ENTPD2: variants seen among roughly 807,000 people sequenced by gnomAD.
ENTPD2 encodes the protein CD39 antigen-like 1.
In ENTPD2, 48 loss-of-function variants were observed where a neutral mutation model predicts 46.8. That is an observed-to-expected ratio of 1.03 (90% confidence interval 0.81 to 1.30). The LOEUF (loss-of-function observed/expected upper bound fraction) is 1.30. ENTPD2 is among the 50% of genes most tolerant of loss of function. The probability of loss-of-function intolerance (pLI) is 0.00; values close to 1 mark genes in which losing one functional copy is unlikely to be tolerated. For synonymous variants in ENTPD2, 316 were observed against 286.1 expected (o/e 1.10, Z -1.06); for missense variants, 707 against 651.1 (o/e 1.09, Z -0.93).
At chr9:137,049,837 G>A (rs371960899) in intron 7 of ENTPD2, 33 bp downstream of exon 7, 16 of 1,590,696 alleles carry the variant, frequency 1.0e-5, no homozygotes, top group African/African-American at 2.7e-5. Context: ...GAGCCCTTCC[G>A]CACAGCCCTG....
At position 137,048,603 on chromosome 9, in the gene ENTPD2, G is replaced by A. The variant is rs1832186297; in HGVS notation, c.*54C>T. 1 of 1,477,850 alleles carries A rather than the reference G, an allele frequency of 6.8e-7. No homozygotes were observed. The highest frequency in any genetic ancestry group is 9.1e-7 in the Non-Finnish European group (1 of 1,104,870). The allele number at this position is 1,477,850 out of a possible 1,614,324, so 91.5% of individuals were successfully genotyped here. ...GGGGTTGTGGGAGGGGTGGGAGTACGGGGTGGGGATACAGGGGTTGGGGGA... is the reference window on the plus strand; with the variant it reads ...GGGGTTGTGGGAGGGGTGGGAGTACAGGGTGGGGATACAGGGGTTGGGGGA... On this transcript the variant is annotated 3_prime_UTR_variant, in exon 9 of 9. Coordinates refer to ENST00000355097, the MANE Select transcript of ENTPD2 (RefSeq NM_203468.3).
chr9:137,049,948 A>C lies in ENTPD2; in HGVS notation c.1071T>G (p.Thr357=). Residue 357 remains threonine, a synonymous_variant, in exon 7 of 9, where the codon ACT becomes ACG. Coordinates refer to ENST00000355097, the MANE Select transcript of ENTPD2 (RefSeq NM_203468.3). ...AFFYTVDFLR[T]SMGLPVATLQ... ...GGGTGGCCACGGGCAGCCCCATCGA[A>C]GTCCGCAAAAAGTCCACAGTGTAGA... The C allele has an allele frequency of 6.2e-7, 1 of 1,612,622 alleles. No homozygotes were observed. The highest frequency in any genetic ancestry group is 1.7e-4 in the Middle Eastern group (1 of 6,042).
chr9:137,049,233 C>T (rs1038398966), intron 7 of ENTPD2, 158 bp from the exon 8 acceptor site: 15 of 1,278,332 alleles, frequency 1.2e-5, no homozygotes, highest in Admixed American at 2.0e-5. Flanking sequence ...ATGGCAAGAC[C>T]GAGTCCGAGG....
At position 137,050,462 on chromosome 9, in the gene ENTPD2, CATGGTG is replaced by C. The variant is rs778135985; in HGVS notation, c.845_850del (p.Ser282_Pro283del). The stretch of plus-strand genomic sequence containing the variant: ...GTTCTGGGGCCGCTGGGCCATGGTG[CATGGTG>C]ACTGGTACACATCCCCGAGCAGCAC... On this transcript the variant is annotated inframe_deletion, in exon 6 of 9. Coordinates refer to ENST00000355097, the MANE Select transcript of ENTPD2 (RefSeq NM_203468.3). 1.3e-5 allele frequency: 21 copies of C among 1,612,928 alleles called. No individual in the cohort carries two copies. The South Asian group carries it at 2.2e-4, about 17-fold the overall frequency.
Position 137,048,858 on chromosome 9 carries a change from G to C in ENTPD2, c.1287C>G (p.Ala429=). The C allele has an allele frequency of 2.6e-6, 4 of 1,533,670 alleles. No homozygotes were observed. Among genetic ancestry groups the C allele is most frequent in the African/African-American group, 1.4e-5 (1 of 72,290 alleles). ...GCGCCCAGCCCACTGCAGTGTCCGC[G>C]GCCTGCGGGGAAGGGCGTGGCCTCA... ...AFGGVIFQKK[A]ADTAVGWALG... The change falls in exon 9 of 9, where the codon GCC becomes GCG. Residue 429 remains alanine, a splice_region_variant and synonymous_variant. Coordinates refer to ENST00000355097, the MANE Select transcript of ENTPD2 (RefSeq NM_203468.3).
At position 137,048,626 on chromosome 9, in the gene ENTPD2, G is replaced by A. The variant is rs373902676; in HGVS notation, c.*31C>T. The A allele has an allele frequency of 1.5e-4, 230 of 1,535,722 alleles. No individual in the cohort carries two copies. The African/African-American group carries it at 2.9e-3, about 19-fold the overall frequency. On this transcript the variant is annotated 3_prime_UTR_variant, in exon 9 of 9. Coordinates refer to ENST00000355097, the MANE Select transcript of ENTPD2 (RefSeq NM_203468.3). Reference sequence around the variant, plus strand: ...ACGGGGTGGGGATACAGGGGTTGGGGGAGGGATGGGGCAGCTGCCCCCGTC... The same window carrying A: ...ACGGGGTGGGGATACAGGGGTTGGGAGAGGGATGGGGCAGCTGCCCCCGTC...
intron 5 of ENTPD2, 147 bp downstream of exon 5, chr9:137,050,755 G>C: frequency 8.0e-7 from 1 of 1,254,706 alleles, no homozygotes. Context: ...CCCAGCCACT[G>C]GGCCTTTGCT....
At chr9:137,053,667 G>A (rs1376783219) in intron 1 of ENTPD2, among the ~76,000 whole-genome samples, 1 of 152,136 alleles carries the variant, frequency 6.6e-6, no homozygotes, top group African/African-American at 2.4e-5. Context: ...CTTCAGCACC[G>A]CGTCGCCCTG....
Position 137,048,404 on chromosome 9 carries a change from T to C in ENTPD2, c.*253A>G. 1 of 433,682 alleles carries C rather than the reference T, an allele frequency of 2.3e-6. No homozygotes were observed. Among genetic ancestry groups the C allele is most frequent in the Admixed American group, 4.5e-5 (1 of 22,062 alleles). 26.9% of individuals were successfully genotyped at this position (433,682 alleles called of 1,614,324 possible). On this transcript the variant is annotated 3_prime_UTR_variant, in exon 9 of 9. Coordinates refer to ENST00000355097, the MANE Select transcript of ENTPD2 (RefSeq NM_203468.3). ...TACCAGAGTCTCAGTTCCTATTTCC[T>C]GGGCTGCCTTAGGGGCAGAGACGCT...
Position 137,048,675 on chromosome 9 carries a change from C to A in ENTPD2, c.1470G>T (p.Lys490Asn). The change falls in exon 9 of 9, where the codon AAG becomes AAT. Residue 490 changes from lysine (K) to asparagine (N), a missense_variant. Coordinates refer to ENST00000355097, the MANE Select transcript of ENTPD2 (RefSeq NM_203468.3). ...TCGGCCCCTAAATGGTGCTTGGCAG[C>A]TTGGCGGAGTGCACCTGACGCAGCA... ...VLLLRQVHSAKLPSTI is the reference protein window; with the variant it reads ...VLLLRQVHSANLPSTI 2 of 1,598,886 alleles carry A rather than the reference C, an allele frequency of 1.3e-6. No individual in the cohort carries two copies. The highest frequency in any genetic ancestry group is 1.7e-6 in the Non-Finnish European group (2 of 1,173,992).
At position 137,051,125 on chromosome 9, in the gene ENTPD2, C is replaced by T; in HGVS notation, c.551G>A (p.Gly184Asp). 6.2e-7 allele frequency: 1 copy of T among 1,612,846 alleles called. No homozygotes were observed. The highest frequency in any genetic ancestry group is 1.1e-5 in the South Asian group (1 of 91,072). The part of the protein sequence containing the change: ...NYLLENFIKY[G>D]WVGRWFRPRK... ...TGGCCGGAACCACCGGCCCACCCAG[C>T]CGTACTGTGGAGAGGGGAGTGTGGG... The change falls in exon 5 of 9, where the codon GGC (glycine) becomes GAC (aspartate). Residue 184 changes from glycine to aspartate, a missense_variant. By Grantham distance (94) the Gly-to-Asp change is moderately conservative (BLOSUM62 -1). Transcript: ENST00000355097.
rs1209258333 is a variant in ENTPD2 at position 137,052,099 on chromosome 9, C to T, written c.235+132G>A. 7.5e-6 allele frequency: 6 copies of T among 804,364 alleles called. No homozygotes were observed. The African/African-American group carries it at 8.6e-5, about 11-fold the overall frequency. 49.8% of individuals were successfully genotyped at this position (804,364 alleles called of 1,614,324 possible). On this transcript the variant is annotated intron_variant, in intron 2 of 8. Transcript: ENST00000355097. ...CAGGCGCAGGGGCACCAGCCTCTCT[C>T]TTTCCAGGGCTTCTGCCTGGAGTGA... is the stretch of plus-strand genomic sequence containing the variant.
Position 137,051,013 on chromosome 9 carries a change from G to A in ENTPD2, c.663C>T (p.Ala221=). 6.2e-7 allele frequency: 1 copy of A among 1,612,954 alleles called. No homozygotes were observed. The highest frequency in any genetic ancestry group is 8.5e-7 in the Non-Finnish European group (1 of 1,179,990). ...CGTAGAGATGCAGCTGGACCTCGCT[G>A]GCTCTGTCCTCAGCTGGACTGGTTG... ...FETTSPAEDR[A]SEVQLHLYGQ... Residue 221 remains alanine (A), a synonymous_variant, in exon 5 of 9, where the codon GCC becomes GCT. Transcript: ENST00000355097.
At chr9:137,049,845 C>T in intron 7 of ENTPD2, 25 bp downstream of exon 7, 2 of 1,602,760 alleles carry the variant, frequency 1.2e-6, no homozygotes, top group Non-Finnish European at 1.7e-6. Flanking sequence ...CCGCACAGCC[C>T]TGAAGGAGTG....
rs142095240 is a variant in ENTPD2, at chr9:137,051,316, C to T, written c.441G>A (p.Leu147=). The part of the protein sequence containing the change: ...TSVLMAVTHT[L]TQYPFDFRGA... ...CCCGGAAGTCAAAGGGGTACTGGGTCAGTGTGTGAGTCACTGCCATGAGCA... is the reference window on the plus strand; with the variant it reads ...CCCGGAAGTCAAAGGGGTACTGGGTTAGTGTGTGAGTCACTGCCATGAGCA... Residue 147 remains leucine, a synonymous_variant, in exon 4 of 9, where the codon CTG becomes CTA. Coordinates refer to ENST00000355097, the MANE Select transcript of ENTPD2 (RefSeq NM_203468.3). 4.4e-6 allele frequency: 7 copies of T among 1,601,160 alleles called. No individual in the cohort carries two copies. The highest frequency in any genetic ancestry group is 2.2e-5 in the South Asian group (2 of 89,380).
intron 1 of ENTPD2, 124 bp downstream of exon 1, chr9:137,053,757 G>T (rs188090942): frequency 3.3e-6 from 2 of 611,724 alleles, no homozygotes; most frequent in African/African-American, 1.9e-5. Flanking sequence ...CACCCAGCCC[G>T]CCAGGAGCAG....
intron 1 of ENTPD2, chr9:137,053,086 C>G (rs537838589): frequency 6.6e-6 from 1 of 152,354 alleles, no homozygotes; most frequent in Non-Finnish European, 1.5e-5. Context: ...TTCCAGCCTC[C>G]GAGAGGGCCG....
In ENTPD2 at chr9:137,053,945, C is replaced by T; in HGVS notation, c.53G>A (p.Gly18Asp). 1 of 1,213,100 alleles carries T rather than the reference C, an allele frequency of 8.2e-7. No individual in the cohort carries two copies. The highest frequency in any genetic ancestry group is 1.0e-6 in the Non-Finnish European group (1 of 972,740). 75.1% of individuals were successfully genotyped at this position (1,213,100 alleles called of 1,614,324 possible). ...LLPPLLLAAAGLAGLLLLCVP... is the reference protein window; with the variant it reads ...LLPPLLLAAADLAGLLLLCVP... ...GCACAGCAGTAGGAGGCCGGCGAGG[C>T]CCGCGGCGGCCAGCAGCAGCGGCGG... Residue 18 changes from glycine (G) to aspartate (D), a missense_variant, in exon 1 of 9, where the codon GGC becomes GAC. Transcript: ENST00000355097.
rs552264498 is a variant in ENTPD2 at position 137,049,977 on chromosome 9, A to C, written c.1042T>G (p.Phe348Val). ...CGCAAAAAGTCCACAGTGTAGAAGA[A>C]GGCAGAGAAGGCCTGTAGGGGGCGC... ...VAGNFVAFSA[F>V]FYTVDFLRTS... Residue 348 changes from phenylalanine to valine, a missense_variant, in exon 7 of 9, where the codon TTC (phenylalanine) becomes GTC (valine). Transcript: ENST00000355097. The C allele has an allele frequency of 4.3e-5, 70 of 1,611,976 alleles. No homozygotes were observed. The East Asian group carries it at 1.4e-3, about 31-fold the overall frequency.
Sources: gnomAD v4.1 joint callset for allele counts (sites outside exome capture counted in the v4.1 genomes callset) on GRCh38, gnomAD v4.1.1 for gene constraint, MANE v1.5 for transcripts, NCBI Gene and HGNC (gene_info 2026-07-23, HGNC 2026-07-21) for gene names.